C11orf65: variants seen among roughly 807,000 people sequenced by gnomAD.
C11orf65 encodes the protein chromosome 11 open reading frame 65.
A neutral mutation model predicts 35.3 loss-of-function variants in C11orf65; 38 were observed. The ratio of observed to expected loss-of-function variants is 1.08; its 90% CI spans 0.83 to 1.41. C11orf65 has a LOEUF of 1.41. Among genes scored for constraint, C11orf65 ranks in the 40% most tolerant of loss-of-function variants. C11orf65 has a pLI of 0.00. For missense variants in C11orf65, 370 were observed against 367.1 expected, an observed-to-expected ratio of 1.01 and a Z score of -0.06; for synonymous variants, 105 against 114.4, an observed-to-expected ratio of 0.92 and a Z score of 0.53.
rs143747813 is a variant in C11orf65, at chr11:108,318,934, G to A, written c.641-9863C>T. On this transcript the variant is annotated intron_variant, in intron 6 of 6. Coordinates refer to the C11orf65 transcript ENST00000525729. ...CTCATGCCTATAATCCCAGCACTTT[G>A]GAAGGCTGAGGAGGGTGGATCACAT... is the stretch of plus-strand genomic sequence containing the variant. Among the ~76,000 whole-genome samples the A allele has an allele frequency of 7.7e-3, 1,167 of 152,194 alleles. 10 individuals carry two copies. Among genetic ancestry groups the A allele is most frequent in the African/African-American group, 0.025 (1,035 of 41,518 alleles).
chr11:108,320,465 A>G (rs1002873537), intron 6 of C11orf65, among the ~76,000 whole-genome samples: 1 of 152,256 alleles, frequency 6.6e-6, no homozygotes, highest in African/African-American at 2.4e-5. Flanking sequence ...GGGGTAAACA[A>G]ATGCAGCATT....
chr11:108,422,468 C>G (rs139714284), intron 3 of C11orf65, among the ~76,000 whole-genome samples: 1 of 152,246 alleles, frequency 6.6e-6, no homozygotes, highest in Admixed American at 6.5e-5. Flanking sequence ...ATGGAACAGA[C>G]CAATACATAA....
intron 6 of C11orf65, among the ~76,000 whole-genome samples, chr11:108,314,420 G>A (rs2084435795): frequency 6.6e-6 from 1 of 151,434 alleles, no homozygotes; most frequent in South Asian, 2.1e-4. Flanking sequence ...TACAGTTTTA[G>A]GTGTTGACAA....
chr11:108,336,903 A>G (rs745798623), intron 2 of C11orf65, among the ~76,000 whole-genome samples: 1 of 152,052 alleles, frequency 6.6e-6, no homozygotes, highest in African/African-American at 2.4e-5. Flanking sequence ...TGAAGGGCCT[A>G]TTTTCCATAG....
intron 6 of C11orf65, among the ~76,000 whole-genome samples, chr11:108,401,938 T>C (rs764157922): frequency 6.6e-6 from 1 of 152,232 alleles, no homozygotes; most frequent in Non-Finnish European, 1.5e-5. Context: ...CAGGTGAGTA[T>C]GGCCATATCA....
rs557881075 is a variant in C11orf65, at chr11:108,363,052, G to A, written c.227-27760C>T. 3.6e-3 allele frequency among the ~76,000 whole-genome samples: 541 copies of A among 152,038 alleles called. 2 individuals carry two copies. The highest frequency in any genetic ancestry group is 6.0e-3 in the Non-Finnish European group (405 of 67,978). ...CACTCATCTACCTAATCTTCCCTCC[G>A]TAAATCTGTCCGAATTTCCCCAAAT... On this transcript the variant is annotated intron_variant, in intron 2 of 3. Transcript: ENST00000524755.
At chr11:108,313,506 CT>C (rs1447790890) in intron 6 of C11orf65, among the ~76,000 whole-genome samples, 1 of 152,178 alleles carries the variant, frequency 6.6e-6, no homozygotes, top group African/African-American at 2.4e-5. Flanking sequence ...TTCATTCTTC[CT>C]TTTCCTTAAT....
chr11:108,374,578 G>A (rs1192822315), intron 2 of C11orf65, among the ~76,000 whole-genome samples: 13 of 152,316 alleles, frequency 8.5e-5, no homozygotes, highest in Admixed American at 2.6e-4. Flanking sequence ...AAAGGAGAGC[G>A]CCTCTCCTCC....
chr11:108,462,557 T>G (rs2093484925), intron 1 of C11orf65: 1 of 152,314 alleles, frequency 6.6e-6, no homozygotes, highest in East Asian at 1.9e-4. Context: ...CCCTGTTGTA[T>G]GACTTCAAAT....
chr11:108,446,316 A>AAG, intron 2 of C11orf65, among the ~76,000 whole-genome samples: 1 of 151,538 alleles, frequency 6.6e-6, no homozygotes, highest in South Asian at 2.1e-4. Context: ...GAGCAACTCC[A>AAG]AGACACATAA....
intron 6 of C11orf65, among the ~76,000 whole-genome samples, chr11:108,318,180 G>A (rs1446372229): frequency 6.6e-6 from 1 of 152,014 alleles, no homozygotes; most frequent in African/African-American, 2.4e-5. Flanking sequence ...TGGGAAACAC[G>A]GTGAAACCCT....
intron 2 of C11orf65, among the ~76,000 whole-genome samples, chr11:108,362,560 CAAT>C (rs541090027): frequency 0.011 from 1,676 of 149,436 alleles, 26 homozygotes; most frequent in African/African-American, 0.039. Flanking sequence ...AAATGTCCAA[CAAT>C]GATAGACTGG....
chr11:108,326,888 C>T (rs764963622), downstream of C11orf65, among the ~76,000 whole-genome samples: 10 of 152,114 alleles, frequency 6.6e-5, no homozygotes, highest in Non-Finnish European at 1.3e-4. Flanking sequence ...TGCAGTGGTA[C>T]GACATCGGCT....
Position 108,367,148 on chromosome 11 carries a change from C to T in C11orf65, c.226+26060G>A, listed in dbSNP as rs886047622. On this transcript the variant is annotated intron_variant, in intron 2 of 3. Transcript: ENST00000524755. ...GACTACAGGCGTGTGCCAACACGCC[C>T]GGCTAATTTTTTGTATTTTTATTAG... is the stretch of plus-strand genomic sequence containing the variant. 1.7e-5 allele frequency: 3 copies of T among 178,296 alleles called. No individual in the cohort carries two copies. Among genetic ancestry groups the T allele is most frequent in the South Asian group, 2.0e-4 (1 of 5,040 alleles). 11.0% of individuals were successfully genotyped at this position (178,296 alleles called of 1,614,324 possible). A position where few individuals can be genotyped will look rare whatever the true frequency, so the allele number is the denominator to read the frequency against.
chr11:108,323,269 A>T (rs1253443072), intron 6 of C11orf65, among the ~76,000 whole-genome samples: 2 of 152,202 alleles, frequency 1.3e-5, no homozygotes, highest in Non-Finnish European at 2.9e-5. Context: ...TTCATTCATA[A>T]GTACATTGGC....
At chr11:108,363,788 A>G (rs932616649) in intron 2 of C11orf65, among the ~76,000 whole-genome samples, 2 of 152,120 alleles carry the variant, frequency 1.3e-5, no homozygotes, top group Admixed American at 6.6e-5. Context: ...TAATTCTAAT[A>G]TTTGCAAGTA....
At chr11:108,316,689 C>T (rs7116649) in intron 6 of C11orf65, among the ~76,000 whole-genome samples, 1 of 146,896 alleles carries the variant, frequency 6.8e-6, no homozygotes, top group African/African-American at 2.5e-5. Flanking sequence ...GCGAGCAGAT[C>T]ACGAGGTCAG....
At chr11:108,400,922 T>G (rs575508972) in intron 6 of C11orf65, among the ~76,000 whole-genome samples, 1 of 151,936 alleles carries the variant, frequency 6.6e-6, no homozygotes, top group African/African-American at 2.4e-5. Context: ...CTGGCCAATA[T>G]GTTGAAACCC....
At chr11:108,319,423 C>A (rs2085027706) in intron 6 of C11orf65, among the ~76,000 whole-genome samples, 1 of 152,128 alleles carries the variant, frequency 6.6e-6, no homozygotes, top group Non-Finnish European at 1.5e-5. Flanking sequence ...CTCCTTTTCC[C>A]CCAGTTACCA....
Sources: allele counts gnomAD v4.1 joint callset (sites outside exome capture counted in the v4.1 genomes callset), GRCh38; gene constraint gnomAD v4.1.1; transcripts MANE v1.5; gene names NCBI Gene and HGNC (gene_info 2026-07-23, HGNC 2026-07-21).